CAB39: variants seen among roughly 807,000 people sequenced by gnomAD.
CAB39 encodes the protein calcium-binding protein 39.
In CAB39, 8 loss-of-function variants were observed where a neutral mutation model predicts 40.0. The ratio of observed to expected loss-of-function variants is 0.20; its 90% CI spans 0.12 to 0.36. CAB39 has a LOEUF of 0.36. Ranked by LOEUF, CAB39 falls within the 10% of genes least tolerant of loss-of-function variation. The pLI is 1.00. For synonymous variants in CAB39, 156 were observed against 141.6 expected (o/e 1.10, Z -0.72); for missense variants, 270 against 401.1 (o/e 0.67, Z 2.79).
At chr2:230,802,097 A>T (rs1490651589) in intron 5 of CAB39, among the ~76,000 whole-genome samples, 1 of 152,158 alleles carries the variant, frequency 6.6e-6, no homozygotes, top group East Asian at 1.9e-4. Flanking sequence ...ATGTCTAAAG[A>T]GATGGTTTCT....
At chr2:230,751,984 G>C (rs559083419) in intron 1 of CAB39, among the ~76,000 whole-genome samples, 6 of 147,454 alleles carry the variant, frequency 4.1e-5, no homozygotes, top group African/African-American at 1.5e-4. Context: ...TCTCTGTGAT[G>C]GACTTAGATG....
intron 2 of CAB39, among the ~76,000 whole-genome samples, chr2:230,773,767 C>T (rs1360381813): frequency 6.6e-6 from 1 of 152,034 alleles, no homozygotes; most frequent in Non-Finnish European, 1.5e-5. Flanking sequence ...CAAAAGGATT[C>T]GAACTGATCG....
chr2:230,817,602 G>A (rs975888892), intron 7 of CAB39, 152 bp from the exon 8 acceptor site: 7 of 553,092 alleles, frequency 1.3e-5, no homozygotes, highest in Non-Finnish European at 1.5e-5. Context: ...AAGGCCCTTC[G>A]TAGCTTTTAG....
chr2:230,713,068 C>A lies in CAB39; in HGVS notation c.-206C>A, dbSNP rs909526563. ...CGTCCGCCCGCGCAGCCGCCGCCGC[C>A]GCGGGAGCCCGTCGCCGGGAGCAGG... is the stretch of plus-strand genomic sequence containing the variant. On this transcript the variant is annotated 5_prime_UTR_variant, in exon 1 of 9. Coordinates refer to ENST00000258418, the MANE Select transcript of CAB39 (RefSeq NM_016289.4). The A allele has an allele frequency of 1.8e-4, 27 of 151,410 alleles. 1 individual carries two copies. The highest frequency in any genetic ancestry group is 1.2e-3 in the South Asian group (6 of 4,868). The allele number at this position is 151,410 out of a possible 1,614,324, so 9.4% of individuals were successfully genotyped here. A position where few individuals can be genotyped will look rare whatever the true frequency, so the allele number is the denominator to read the frequency against.
chr2:230,792,242 T>C (rs1217320127), intron 3 of CAB39, among the ~76,000 whole-genome samples: 1 of 152,240 alleles, frequency 6.6e-6, no homozygotes, highest in Non-Finnish European at 1.5e-5. Context: ...AAGTTGGGGA[T>C]GTAGTGGAAC....
chr2:230,739,113 T>G (rs1694834018), intron 1 of CAB39, among the ~76,000 whole-genome samples: 1 of 152,258 alleles, frequency 6.6e-6, no homozygotes, highest in Admixed American at 6.5e-5. Context: ...TTTGCTTTTC[T>G]TATTTACCGA....
At chr2:230,743,945 A>G (rs1694928405) in intron 1 of CAB39, among the ~76,000 whole-genome samples, 2 of 136,396 alleles carry the variant, frequency 1.5e-5, no homozygotes, top group African/African-American at 2.9e-5. Context: ...TTTAAGATGG[A>G]GTCTCGCTCT....
At chr2:230,779,212 G>A (rs146614852) in intron 2 of CAB39, 2 of 152,300 alleles carry the variant, frequency 1.3e-5, no homozygotes, top group African/African-American at 4.8e-5. Context: ...GGGACATAGG[G>A]ACTTCACCTC....
Position 230,791,428 on chromosome 2 carries a change from A to G in CAB39, c.279+392A>G, listed in dbSNP as rs144726297. Among the ~76,000 whole-genome samples, 547 of 152,352 alleles carry G rather than the reference A, an allele frequency of 3.6e-3. 3 individuals are homozygous for G. Among genetic ancestry groups the G allele is most frequent in the Non-Finnish European group, 4.7e-3 (321 of 68,038 alleles). ...TGTTAGAATTTCAGAGGAAGATACA[A>G]TCTTAAGAGAACATCCAGTTATGTC... On this transcript the variant is annotated intron_variant, in intron 3 of 8. Coordinates refer to ENST00000258418, the MANE Select transcript of CAB39 (RefSeq NM_016289.4).
chr2:230,755,773 AAATT>A (rs1695177774), intron 1 of CAB39, among the ~76,000 whole-genome samples: 3 of 152,234 alleles, frequency 2.0e-5, no homozygotes, highest in Non-Finnish European at 4.4e-5. Flanking sequence ...TTATTCCCTT[AAATT>A]CCTCCAAATA....
At chr2:230,723,591 C>G (rs1026184835) in intron 1 of CAB39, among the ~76,000 whole-genome samples, 1 of 152,192 alleles carries the variant, frequency 6.6e-6, no homozygotes, top group African/African-American at 2.4e-5. Flanking sequence ...GTGCCCCACA[C>G]TGTCCTTGAA....
intron 1 of CAB39, among the ~76,000 whole-genome samples, chr2:230,749,367 A>G (rs912224572): frequency 6.6e-6 from 1 of 152,108 alleles, no homozygotes; most frequent in Non-Finnish European, 1.5e-5. Context: ...CTACTCTTTC[A>G]TGAAGTCTTG....
At chr2:230,775,261 G>C (rs1373243976) in intron 2 of CAB39, among the ~76,000 whole-genome samples, 1 of 148,252 alleles carries the variant, frequency 6.7e-6, no homozygotes, top group Non-Finnish European at 1.5e-5. Flanking sequence ...TTTTGAAACA[G>C]ACTCTAGCTC....
At chr2:230,791,687 G>A (rs1333612624) in intron 3 of CAB39, among the ~76,000 whole-genome samples, 1 of 152,210 alleles carries the variant, frequency 6.6e-6, no homozygotes, top group Non-Finnish European at 1.5e-5. Flanking sequence ...GTTTGCTGTA[G>A]GTGGCACAGC....
At chr2:230,732,702 T>G (rs534369424) in intron 1 of CAB39, among the ~76,000 whole-genome samples, 1 of 152,162 alleles carries the variant, frequency 6.6e-6, no homozygotes, top group African/African-American at 2.4e-5. Flanking sequence ...GGGAATGAGA[T>G]CAGTTAGATC....
chr2:230,778,300 G>A (rs575996727), intron 2 of CAB39, among the ~76,000 whole-genome samples: 4 of 152,290 alleles, frequency 2.6e-5, no homozygotes, highest in African/African-American at 9.6e-5. Context: ...ACGTAAGGCC[G>A]GTTTGGATCT....
In CAB39 at chr2:230,818,864, C is replaced by T. The variant is rs1343960333; in HGVS notation, c.*160C>T. On this transcript the variant is annotated 3_prime_UTR_variant, in exon 9 of 9. Coordinates refer to ENST00000258418, the MANE Select transcript of CAB39 (RefSeq NM_016289.4). ...TTGTTTTTCAGTCCAGGTTGGAGAT[C>T]GTAGCTGCTGCTGCTTGCACACTAG... is the stretch of plus-strand genomic sequence containing the variant. 34 of 582,340 alleles carry T rather than the reference C, an allele frequency of 5.8e-5. No individual in the cohort carries two copies. The highest frequency in any genetic ancestry group is 2.7e-4 in the East Asian group (9 of 32,886). 36.1% of individuals were successfully genotyped at this position (582,340 alleles called of 1,614,324 possible).
At chr2:230,740,806 A>G (rs1694863617) in intron 1 of CAB39, among the ~76,000 whole-genome samples, 2 of 152,142 alleles carry the variant, frequency 1.3e-5, no homozygotes, top group South Asian at 4.1e-4. Flanking sequence ...GTACCACTCC[A>G]CAGCCCGGGG....
chr2:230,743,874 A>G (rs1316353744), intron 1 of CAB39, among the ~76,000 whole-genome samples: 1 of 151,742 alleles, frequency 6.6e-6, no homozygotes, highest in African/African-American at 2.4e-5. Flanking sequence ...TATGGTTATT[A>G]GAACTTAGAA....
Sources: allele counts gnomAD v4.1 joint callset (sites outside exome capture counted in the v4.1 genomes callset), GRCh38; gene constraint gnomAD v4.1.1; transcripts MANE v1.5; gene names NCBI Gene and HGNC (gene_info 2026-07-23, HGNC 2026-07-21).